Variants in GRM7 observed in about 807,000 individuals in gnomAD.
GRM7 encodes the protein metabotropic glutamate receptor 7.
GRM7 carries 35 observed loss-of-function variants against 84.5 expected under a neutral mutation model. That is an observed-to-expected ratio of 0.41 (90% CI 0.32 to 0.55). The LOEUF (loss-of-function observed/expected upper bound fraction) is 0.55, where lower values mean the gene tolerates loss of function less well. GRM7 is among the 20% of genes least tolerant of loss of function. The pLI is 0.19. For missense variants in GRM7, 1,003 were observed against 1,194.6 expected, an observed-to-expected ratio of 0.84 and a Z score of 2.36; for synonymous variants, 487 against 455.1, an observed-to-expected ratio of 1.07 and a Z score of -0.89.
At chr3:6,974,366 T>C (rs1359286644) in intron 1 of GRM7, among the ~76,000 whole-genome samples, 1 of 152,174 alleles carries the variant, frequency 6.6e-6, no homozygotes, top group African/African-American at 2.4e-5. Context: ...GGGGGTCCAA[T>C]TGAGGACATC....
chr3:7,242,646 G>A (rs1697602279), intron 2 of GRM7, among the ~76,000 whole-genome samples: 1 of 152,148 alleles, frequency 6.6e-6, no homozygotes, highest in South Asian at 2.1e-4. Context: ...GGCATGTGTG[G>A]AGTTTTGAAT....
intron 8 of GRM7, among the ~76,000 whole-genome samples, chr3:7,669,471 G>C (rs1327208462): frequency 6.6e-6 from 1 of 152,152 alleles, no homozygotes; most frequent in East Asian, 1.9e-4. Context: ...AGAGTTCTTT[G>C]GGCCATGTGA....
intron 7 of GRM7, among the ~76,000 whole-genome samples, chr3:7,573,179 A>G (rs1253483068): frequency 1.3e-5 from 2 of 151,930 alleles, no homozygotes; most frequent in African/African-American, 4.8e-5. Context: ...CAACATACCT[A>G]TGAATTCTTC....
rs111455400 is a variant in GRM7, at chr3:7,514,295, A to G, written c.1515+52573A>G. Among the ~76,000 whole-genome samples the G allele has an allele frequency of 6.1e-3, 934 of 152,364 alleles. 7 individuals carry two copies. The highest frequency in any genetic ancestry group is 0.017 in the African/African-American group (722 of 41,596). ...TTGGAGATAGATGCTCACTCTAGGT[A>G]ACTTTCAGCATAGATTGGCTTAAGA... On this transcript the variant is annotated intron_variant, in intron 7 of 9. Transcript: ENST00000357716.
At chr3:7,266,274 A>T (rs1698635376) in intron 2 of GRM7, among the ~76,000 whole-genome samples, 1 of 152,366 alleles carries the variant, frequency 6.6e-6, no homozygotes, top group Middle Eastern at 3.4e-3. Context: ...AATTGGATTC[A>T]GTATAGTAAA....
chr3:7,554,294 C>G (rs900632093), intron 7 of GRM7, among the ~76,000 whole-genome samples: 2 of 152,154 alleles, frequency 1.3e-5, no homozygotes, highest in African/African-American at 4.8e-5. Context: ...GGAGGAAACT[C>G]TTTGTGTATG....
intron 1 of GRM7, among the ~76,000 whole-genome samples, chr3:7,095,249 G>A (rs147175239): frequency 1.5e-3 from 224 of 152,222 alleles, no homozygotes; most frequent in African/African-American, 5.0e-3. Flanking sequence ...TGACAGATGG[G>A]GAAATGGAAG....
intron 5 of GRM7, among the ~76,000 whole-genome samples, chr3:7,442,567 C>T (rs959298155): frequency 6.6e-6 from 1 of 152,056 alleles, no homozygotes; most frequent in Non-Finnish European, 1.5e-5. Flanking sequence ...GAGATTAATT[C>T]CCTTATGTCT....
At chr3:7,260,450 G>A (rs980791882) in intron 2 of GRM7, among the ~76,000 whole-genome samples, 1 of 152,082 alleles carries the variant, frequency 6.6e-6, no homozygotes, top group Non-Finnish European at 1.5e-5. Context: ...AGGTGTCCAG[G>A]AATTTATCCG....
intron 1 of GRM7, among the ~76,000 whole-genome samples, chr3:6,974,389 G>A (rs553049693): frequency 6.6e-6 from 1 of 152,298 alleles, no homozygotes; most frequent in East Asian, 1.9e-4. Context: ...TTTGGGAGCT[G>A]TCAGCCTAGA....
At position 6,967,673 on chromosome 3, in the gene GRM7, A is replaced by G. The variant is rs141102555; in HGVS notation, c.519+105766A>G. 1.5e-3 allele frequency among the ~76,000 whole-genome samples: 222 copies of G among 152,346 alleles called. 1 individual carries two copies. The highest frequency in any genetic ancestry group is 5.0e-3 in the African/African-American group (209 of 41,584). The stretch of plus-strand genomic sequence containing the variant: ...TTTCCTATGTAGTCAATAAGGATGA[A>G]CAACGTTATATATTGATACAGAACA... On this transcript the variant is annotated intron_variant, in intron 1 of 9. Coordinates refer to ENST00000357716, the MANE Select transcript of GRM7 (RefSeq NM_000844.4).
intron 4 of GRM7, among the ~76,000 whole-genome samples, chr3:7,358,840 G>A (rs1271617614): frequency 2.6e-5 from 4 of 152,022 alleles, no homozygotes; most frequent in African/African-American, 7.2e-5. Context: ...TTTCCTGGAC[G>A]GGCACAGTGG....
At chr3:7,171,951 C>G (rs1241317951) in intron 2 of GRM7, among the ~76,000 whole-genome samples, 1 of 152,154 alleles carries the variant, frequency 6.6e-6, no homozygotes, top group Non-Finnish European at 1.5e-5. Flanking sequence ...TGCAGTTTCC[C>G]AGTGCATTTA....
chr3:7,247,340 G>A (rs1697803284), intron 2 of GRM7, among the ~76,000 whole-genome samples: 1 of 152,040 alleles, frequency 6.6e-6, no homozygotes, highest in Admixed American at 6.6e-5. Flanking sequence ...GAGAGGCCGA[G>A]GCACAAAGAT....
intron 1 of GRM7, among the ~76,000 whole-genome samples, chr3:7,064,501 T>TAC (rs376719688): frequency 6.6e-5 from 6 of 90,292 alleles, no homozygotes; most frequent in Admixed American, 2.4e-4. Context: ...CATATATATA[T>TAC]ACACATATAT....
At position 6,865,609 on chromosome 3, in the gene GRM7, C is replaced by T. The variant is rs115272859; in HGVS notation, c.519+3702C>T. On this transcript the variant is annotated intron_variant, in intron 1 of 9. Transcript: ENST00000357716. ...AAAAAGCGGTCAACTCTACCCTTGT[C>T]GGAGCATAATGCAAATCTAAGTCTG... Among the ~76,000 whole-genome samples, 504 of 151,322 alleles carry T rather than the reference C, an allele frequency of 3.3e-3. 3 individuals are homozygous for T. Among genetic ancestry groups the T allele is most frequent in the African/African-American group, 0.011 (473 of 41,210 alleles).
At chr3:7,339,984 A>G (rs886588053) in intron 4 of GRM7, among the ~76,000 whole-genome samples, 1 of 152,148 alleles carries the variant, frequency 6.6e-6, no homozygotes, top group Non-Finnish European at 1.5e-5. Context: ...ATAGCTAAGA[A>G]ATAACTTTCC....
chr3:7,367,767 GAA>G (rs1457700996), intron 4 of GRM7, among the ~76,000 whole-genome samples: 3 of 151,714 alleles, frequency 2.0e-5, no homozygotes, highest in Non-Finnish European at 4.4e-5. Flanking sequence ...AAAATGTTCT[GAA>G]AAGAGTCCAG....
At chr3:6,864,295 G>C (rs543912291) in intron 1 of GRM7, among the ~76,000 whole-genome samples, 2 of 152,268 alleles carry the variant, frequency 1.3e-5, no homozygotes, top group South Asian at 2.1e-4. Context: ...CAGTTGGTTT[G>C]TATGTGTCCT....
Sources: allele counts gnomAD v4.1 joint callset (sites outside exome capture counted in the v4.1 genomes callset), GRCh38; gene constraint gnomAD v4.1.1; transcripts MANE v1.5; gene names NCBI Gene and HGNC (gene_info 2026-07-23, HGNC 2026-07-21).